The following SLC19A1 variants were observed in gnomAD, a reference collection of about 807,000 sequenced individuals.
SLC19A1 encodes the protein solute carrier family 19 member 1.
In SLC19A1, 37 loss-of-function variants were observed where a neutral mutation model predicts 35.3. The ratio of observed to expected loss-of-function variants is 1.05; its 90% confidence interval spans 0.81 to 1.38. The LOEUF (loss-of-function observed/expected upper bound fraction) is 1.38, where lower values mean the gene tolerates loss of function less well. Among genes scored for constraint, SLC19A1 ranks in the 40% most tolerant of loss-of-function variants. SLC19A1 has a pLI of 0.00. For missense variants in SLC19A1, 831 were observed against 826.9 expected (o/e 1.00, Z -0.06); for synonymous variants, 460 against 398.5 (o/e 1.15, Z -1.84).
chr21:45,541,919 C>A (rs2078318355), intron 1 of SLC19A1: 1 of 152,302 alleles, frequency 6.6e-6, no homozygotes, highest in Admixed American at 6.5e-5. Flanking sequence ...CTCCCCACCC[C>A]ATTCGCAGGC....
rs1352727091 is a variant in SLC19A1, at chr21:45,538,310, GACTT to G, written c.-49-306_-49-303del. ...TCAAAACCAAGTTAATTAACTAATT[GACTT>G]ACTTTATTAACTAAACTAACAAAAT... On this transcript the variant is annotated intron_variant, in intron 1 of 5. Coordinates refer to ENST00000311124, the MANE Select transcript of SLC19A1 (RefSeq NM_194255.4). 2.0e-5 allele frequency among the ~76,000 whole-genome samples: 3 copies of G among 152,316 alleles called. No homozygotes were observed. The East Asian group carries it at 5.8e-4, about 29-fold the overall frequency.
chr21:45,537,557 C>T (rs192752552), intron 2 of SLC19A1, among the ~76,000 whole-genome samples: 2 of 137,676 alleles, frequency 1.5e-5, no homozygotes, highest in African/African-American at 2.7e-5. Context: ...CCGCCCGGCA[C>T]CCCGGCACCC....
intron 3 of SLC19A1, chr21:45,506,157 G>A: frequency 1.3e-6 from 1 of 792,530 alleles, no homozygotes; most frequent in South Asian, 1.6e-5. Flanking sequence ...TTAAAGAAAA[G>A]TGAGCTCAAG....
chr21:45,516,266 G>A (rs912987696), intron 5 of SLC19A1, 126 bp from the exon 6 acceptor site: 40 of 705,676 alleles, frequency 5.7e-5, no homozygotes, highest in Non-Finnish European at 9.5e-5. Context: ...ACACTGCACA[G>A]CGGTCAGAGG....
chr21:45,516,180 G>A, intron 5 of SLC19A1, 40 bp from the exon 6 acceptor site: 1 of 1,525,536 alleles, frequency 6.6e-7, no homozygotes, highest in Admixed American at 1.8e-5. Context: ...GGGAGGGCCT[G>A]GCTGGGACAC....
At chr21:45,504,779 C>T (rs1030838683) in intron 3 of SLC19A1, among the ~76,000 whole-genome samples, 8 of 152,148 alleles carry the variant, frequency 5.3e-5, no homozygotes, top group African/African-American at 1.9e-4. Context: ...GTTCCATGGC[C>T]TGCCCTCCTG....
intron 1 of SLC19A1, among the ~76,000 whole-genome samples, chr21:45,550,467 T>C (rs557452844): frequency 6.6e-6 from 1 of 152,296 alleles, no homozygotes; most frequent in African/African-American, 2.4e-5. Context: ...GGGCTGGTTC[T>C]CCAGCTGGAA....
downstream of SLC19A1, chr21:45,509,704 G>A (rs138768565): frequency 0.019 from 14,966 of 771,772 alleles, 197 homozygotes; most frequent in Non-Finnish European, 0.028. Context: ...CCCAGGCTTC[G>A]GCCATGGGTG....
chr21:45,506,634 C>A (rs894701864), intron 3 of SLC19A1: 1 of 171,516 alleles, frequency 5.8e-6, no homozygotes, highest in South Asian at 1.3e-4. Flanking sequence ...AGCCCCATGC[C>A]GCCGAAACGG....
chr21:45,511,334 C>T (rs2037597208), downstream of SLC19A1: 1 of 705,308 alleles, frequency 1.4e-6, no homozygotes, highest in Non-Finnish European at 2.6e-6. Context: ...AAATCTTATA[C>T]ATGCTCATTA....
At chr21:45,509,238 C>T (rs2037427436), downstream of SLC19A1, 2 of 1,379,630 alleles carry the variant, frequency 1.4e-6, no homozygotes, top group East Asian at 2.5e-5. Flanking sequence ...GGGGGCGCAG[C>T]TCCCTGCTTG....
intron 3 of SLC19A1, chr21:45,506,587 G>C (rs7277335): frequency 0.014 from 2,586 of 180,362 alleles, 37 homozygotes; most frequent in African/African-American, 0.037. Flanking sequence ...GCCCCGGGAA[G>C]GTTTACCTTC....
intron 3 of SLC19A1, chr21:45,507,415 G>C: frequency 1.2e-6 from 1 of 841,960 alleles, no homozygotes. Context: ...CACAGGCTTG[G>C]AGGGGCAGGT....
At chr21:45,504,096 G>A (rs2037035133) in intron 3 of SLC19A1, 1 of 1,602,634 alleles carries the variant, frequency 6.2e-7, no homozygotes, top group East Asian at 2.2e-5. Flanking sequence ...CCAAGGTCCT[G>A]TACATCCCGC....
At chr21:45,509,383 C>G, downstream of SLC19A1, 3 of 1,543,070 alleles carry the variant, frequency 1.9e-6, no homozygotes, top group Non-Finnish European at 2.6e-6. Flanking sequence ...CTTGCAGCCC[C>G]CCGTGGTGCA....
chr21:45,550,647 C>T (rs2078456214), intron 1 of SLC19A1, among the ~76,000 whole-genome samples: 1 of 152,232 alleles, frequency 6.6e-6, no homozygotes, highest in African/African-American at 2.4e-5. Context: ...GCCTTGCAGG[C>T]CCCGGGCTTC....
rs2077833767 is a variant in SLC19A1, at chr21:45,530,499, A to T, written c.1151+271T>A. ...GGGGTCTCAGCAGCCCGGGGCCTAG[A>T]GGGTGGGGTTGGGAGCAGGGCAAGG... On this transcript the variant is annotated intron_variant, in intron 4 of 5. Transcript: ENST00000311124. The surrounding 1 kb of genome is among the most constrained non-coding windows in gnomAD (Gnocchi z 5.3). Among the ~76,000 whole-genome samples, 1 of 152,060 alleles carries T rather than the reference A, an allele frequency of 6.6e-6. No individual in the cohort carries two copies. Among genetic ancestry groups the T allele is most frequent in the South Asian group, 2.1e-4 (1 of 4,830 alleles).
chr21:45,505,215 C>T, intron 3 of SLC19A1: 1 of 1,602,070 alleles, frequency 6.2e-7, no homozygotes, highest in Non-Finnish European at 8.5e-7. Context: ...CGAGGGGCGC[C>T]AGGGCCCTCC....
intron 3 of SLC19A1, chr21:45,504,671 C>G: frequency 3.4e-6 from 3 of 886,228 alleles, no homozygotes; most frequent in Non-Finnish European, 5.3e-6. Flanking sequence ...CCCCTGCAAG[C>G]TCAGCAGCCC....
Sources: gnomAD v4.1 joint callset for allele counts (sites outside exome capture counted in the v4.1 genomes callset) on GRCh38, gnomAD v4.1.1 for gene constraint, Gnocchi (gnomAD v3.1) non-coding constraint, MANE v1.5 for transcripts, NCBI Gene and HGNC (gene_info 2026-07-23, HGNC 2026-07-21) for gene names.